The following GUCY1A2 variants were observed in gnomAD, a reference collection of about 807,000 sequenced individuals.
GUCY1A2 encodes the protein guanylate cyclase soluble subunit alpha-2.
GUCY1A2 carries 27 observed loss-of-function variants against 63.5 expected under a neutral mutation model. The observed-to-expected ratio is 0.43, with a 90% CI of 0.31 to 0.59. The LOEUF is 0.59. Ranked by LOEUF, GUCY1A2 falls within the 20% of genes least tolerant of loss-of-function variation. The pLI is 0.11. For synonymous variants in GUCY1A2, 364 were observed against 343.5 expected (o/e 1.06, Z -0.66); for missense variants, 768 against 913.3 (o/e 0.84, Z 2.05).
At chr11:106,818,442 G>A (rs538436949) in intron 4 of GUCY1A2, among the ~76,000 whole-genome samples, 2 of 152,186 alleles carry the variant, frequency 1.3e-5, no homozygotes, top group African/African-American at 2.4e-5. Context: ...AGTCAACATC[G>A]TGTGTGTTCT....
At chr11:106,922,592 G>A (rs1176305256) in intron 4 of GUCY1A2, among the ~76,000 whole-genome samples, 1 of 145,254 alleles carries the variant, frequency 6.9e-6, no homozygotes, top group African/African-American at 2.6e-5. Flanking sequence ...TACTTCATGG[G>A]TTTCTTTTAT....
intron 3 of GUCY1A2, among the ~76,000 whole-genome samples, chr11:106,972,758 G>A (rs1326723239): frequency 6.6e-6 from 1 of 152,034 alleles, no homozygotes; most frequent in Non-Finnish European, 1.5e-5. Context: ...AAGAATCAAG[G>A]TATCCTTCAA....
intron 1 of GUCY1A2, among the ~76,000 whole-genome samples, chr11:107,001,974 G>A (rs1419366650): frequency 2.0e-5 from 3 of 150,838 alleles, no homozygotes; most frequent in East Asian, 2.0e-4. Context: ...AGCTGAGATC[G>A]CAACACTACA....
chr11:106,707,445 A>G (rs1225240181), intron 7 of GUCY1A2, among the ~76,000 whole-genome samples: 1 of 151,882 alleles, frequency 6.6e-6, no homozygotes, highest in Non-Finnish European at 1.5e-5. Flanking sequence ...CCTACTATAC[A>G]TTTTTTTCAG....
At chr11:106,904,741 A>G (rs572743613) in intron 4 of GUCY1A2, among the ~76,000 whole-genome samples, 4 of 152,176 alleles carry the variant, frequency 2.6e-5, no homozygotes, top group African/African-American at 9.6e-5. Context: ...TACAACTTTA[A>G]TATATTCAAT....
chr11:106,968,342 T>G (rs762581993), intron 3 of GUCY1A2, among the ~76,000 whole-genome samples: 8 of 152,208 alleles, frequency 5.3e-5, no homozygotes, highest in Non-Finnish European at 1.0e-4. Flanking sequence ...AGCATAGACA[T>G]AAGCATTTTT....
At chr11:106,780,356 T>C (rs544548621) in intron 5 of GUCY1A2, among the ~76,000 whole-genome samples, 1 of 152,254 alleles carries the variant, frequency 6.6e-6, no homozygotes, top group Non-Finnish European at 1.5e-5. Context: ...ATAGGCTGGG[T>C]TAGATTATGA....
chr11:106,738,664 C>G (rs1444820467), intron 6 of GUCY1A2, among the ~76,000 whole-genome samples: 1 of 152,128 alleles, frequency 6.6e-6, no homozygotes, highest in Non-Finnish European at 1.5e-5. Context: ...TTCCCCATTT[C>G]TTGTTTTTGT....
chr11:106,860,323 A>G (rs1859493678), intron 4 of GUCY1A2, among the ~76,000 whole-genome samples: 1 of 151,862 alleles, frequency 6.6e-6, no homozygotes, highest in Admixed American at 6.6e-5. Flanking sequence ...TTGCAGGGGA[A>G]AAAAGGAAAA....
intron 3 of GUCY1A2, among the ~76,000 whole-genome samples, chr11:106,953,438 A>T (rs1860938733): frequency 6.6e-6 from 1 of 152,166 alleles, no homozygotes; most frequent in African/African-American, 2.4e-5. Context: ...ATTTTATTGA[A>T]GATTTTTGCA....
At chr11:106,855,920 T>TA (rs1422401218) in intron 4 of GUCY1A2, among the ~76,000 whole-genome samples, 1 of 149,894 alleles carries the variant, frequency 6.7e-6, no homozygotes, top group East Asian at 1.9e-4. Context: ...TTTATTTATT[T>TA]ATTTATTTAT....
chr11:106,709,032 C>A lies in GUCY1A2; in HGVS notation c.1837-366G>T, dbSNP rs923740386. Among the ~76,000 whole-genome samples, 19 of 147,674 alleles carry A rather than the reference C, an allele frequency of 1.3e-4. No individual in the cohort carries two copies. The Admixed American group carries it at 1.3e-3, about 10-fold the overall frequency. On this transcript the variant is annotated intron_variant, in intron 6 of 7. Coordinates refer to ENST00000526355, the MANE Select transcript of GUCY1A2 (RefSeq NM_000855.3). Reference sequence around the variant, plus strand: ...TCCCTCCAGTTATTCTTAAATAAAACCTTATTTGTTCCTTTCATAGCACTA... The same window carrying A: ...TCCCTCCAGTTATTCTTAAATAAAAACTTATTTGTTCCTTTCATAGCACTA...
intron 5 of GUCY1A2, among the ~76,000 whole-genome samples, chr11:106,785,440 T>C (rs1019008715): frequency 2.0e-5 from 3 of 151,982 alleles, no homozygotes; most frequent in Non-Finnish European, 4.4e-5. Flanking sequence ...CTTACAACCA[T>C]ACCTGATGGA....
chr11:106,944,215 CAAAAAAAA>C lies in GUCY1A2; in HGVS notation c.488-4045_488-4038del, dbSNP rs71041701. On this transcript the variant is annotated intron_variant, in intron 3 of 7. Transcript: ENST00000526355. ...GGGCAACAGAGTGAGACCCTGTCTC[CAAAAAAAA>C]AAAAAAAAAAAAAGCAGGTGGTCCC... Among the ~76,000 whole-genome samples the C allele has an allele frequency of 1.5e-3, 33 of 21,576 alleles. 5 individuals carry two copies. Among genetic ancestry groups the C allele is most frequent in the Non-Finnish European group, 2.2e-3 (28 of 12,966 alleles). 14.2% of individuals were successfully genotyped at this position (21,576 alleles called of 152,430 possible).
chr11:106,878,915 A>G (rs1166155061), intron 4 of GUCY1A2, among the ~76,000 whole-genome samples: 1 of 151,964 alleles, frequency 6.6e-6, no homozygotes, highest in East Asian at 1.9e-4. Context: ...CTTCTGACCT[A>G]CAGAACAATA....
rs1048604499 is a variant in GUCY1A2 at position 106,913,088 on chromosome 11, T to C, written c.1206+26372A>G. 1.1e-4 allele frequency among the ~76,000 whole-genome samples: 17 copies of C among 151,736 alleles called. 1 individual carries two copies. The South Asian group carries it at 2.3e-3, about 20-fold the overall frequency. On this transcript the variant is annotated intron_variant, in intron 4 of 7. Coordinates refer to ENST00000526355, the MANE Select transcript of GUCY1A2 (RefSeq NM_000855.3). ...TCTATACACAGTTACAAATGTAAGT[T>C]GATGTTTTGCTTATGTTGTGGAATT...
intron 3 of GUCY1A2, among the ~76,000 whole-genome samples, chr11:106,946,640 A>C: frequency 6.6e-6 from 1 of 152,188 alleles, no homozygotes; most frequent in East Asian, 1.9e-4. Context: ...ACAAAGTAAA[A>C]CAAAATCACA....
chr11:106,839,055 C>T (rs1859157049), intron 4 of GUCY1A2, among the ~76,000 whole-genome samples: 1 of 152,044 alleles, frequency 6.6e-6, no homozygotes, highest in South Asian at 2.1e-4. Context: ...CTTGCCCATA[C>T]CTATGTCCTG....
intron 4 of GUCY1A2, among the ~76,000 whole-genome samples, chr11:106,936,951 C>T (rs1448328363): frequency 2.0e-5 from 3 of 152,074 alleles, no homozygotes; most frequent in Non-Finnish European, 2.9e-5. Flanking sequence ...AATTTATCAA[C>T]AAAAACACAA....
Sources: allele counts gnomAD v4.1 joint callset (sites outside exome capture counted in the v4.1 genomes callset), GRCh38; gene constraint gnomAD v4.1.1; transcripts MANE v1.5; gene names NCBI Gene and HGNC (gene_info 2026-07-23, HGNC 2026-07-21).